The following DGKB variants were observed in gnomAD, a reference collection of about 807,000 sequenced individuals.
The protein encoded by DGKB is diacylglycerol kinase beta.
DGKB carries 67 observed loss-of-function variants against 114.3 expected under a neutral mutation model. The observed-to-expected ratio is 0.59, with a 90% CI of 0.48 to 0.72. The LOEUF (loss-of-function observed/expected upper bound fraction) is 0.72. Among genes scored for constraint, DGKB ranks in the 30% least tolerant of loss-of-function variants. The probability of loss-of-function intolerance (pLI) is 0.00; values close to 1 mark genes in which losing one functional copy is unlikely to be tolerated. For missense variants in DGKB, 907 were observed against 975.2 expected, an observed-to-expected ratio of 0.93 and a Z score of 0.93; for synonymous variants, 398 against 323.1, an observed-to-expected ratio of 1.23 and a Z score of -2.49.
At chr7:14,398,546 G>A (rs1822593634) in intron 21 of DGKB, among the ~76,000 whole-genome samples, 1 of 152,036 alleles carries the variant, frequency 6.6e-6, no homozygotes, top group African/African-American at 2.4e-5. Context: ...TTACTGGGAT[G>A]TGTGAAGGCA....
chr7:14,576,297 A>G (rs1799109027), intron 19 of DGKB, among the ~76,000 whole-genome samples: 1 of 152,022 alleles, frequency 6.6e-6, no homozygotes, highest in African/African-American at 2.4e-5. Flanking sequence ...ATATTTACTA[A>G]CATTTCATGT....
rs865900826 is a variant in DGKB, at chr7:14,212,248, A to G, written c.2123-34097T>C. On this transcript the variant is annotated intron_variant, in intron 23 of 25. Transcript: ENST00000402815. ...TCTCATGTTTTGTGATTTTACTCTC[A>G]TGTTTTGTGATTTTACTCTCATGTT... Among the ~76,000 whole-genome samples, 49 of 7,310 alleles carry G rather than the reference A, an allele frequency of 6.7e-3. 8 individuals are homozygous for G. Among genetic ancestry groups the G allele is most frequent in the Non-Finnish European group, 7.9e-3 (39 of 4,936 alleles). 4.8% of individuals were successfully genotyped at this position (7,310 alleles called of 152,430 possible). A position where few individuals can be genotyped will look rare whatever the true frequency, so the allele number is the denominator to read the frequency against.
intron 21 of DGKB, among the ~76,000 whole-genome samples, chr7:14,418,287 G>GTA (rs1826052103): frequency 1.7e-5 from 2 of 114,308 alleles, no homozygotes; most frequent in African/African-American, 6.0e-5. Context: ...ATATATGTGT[G>GTA]TATATATACA....
At chr7:14,747,468 C>A (rs2128424397) in intron 4 of DGKB, among the ~76,000 whole-genome samples, 1 of 151,896 alleles carries the variant, frequency 6.6e-6, no homozygotes, top group South Asian at 2.1e-4. Context: ...TTAGTAAAAT[C>A]TTTTCAAATA....
intron 23 of DGKB, among the ~76,000 whole-genome samples, chr7:14,280,107 T>C (rs1359745167): frequency 6.6e-6 from 1 of 151,146 alleles, no homozygotes; most frequent in Non-Finnish European, 1.5e-5. Context: ...AGTTGAAAAC[T>C]TTGAAAAAAA....
At chr7:14,551,805 G>A (rs1024012685) in intron 20 of DGKB, among the ~76,000 whole-genome samples, 5 of 152,010 alleles carry the variant, frequency 3.3e-5, no homozygotes, top group African/African-American at 1.2e-4. Context: ...AAATGGGTTT[G>A]CTTAAATCTT....
chr7:14,508,214 C>T (rs2128969285), intron 20 of DGKB, among the ~76,000 whole-genome samples: 1 of 152,264 alleles, frequency 6.6e-6, no homozygotes, highest in South Asian at 2.1e-4. Flanking sequence ...AGACTAAATA[C>T]TGTTAGCACA....
At chr7:14,232,588 T>A (rs1562689631) in intron 23 of DGKB, among the ~76,000 whole-genome samples, 1 of 151,898 alleles carries the variant, frequency 6.6e-6, no homozygotes, top group East Asian at 1.9e-4. Flanking sequence ...TCAAAATTTG[T>A]GTGATTCCAT....
intron 21 of DGKB, among the ~76,000 whole-genome samples, chr7:14,470,959 A>G (rs1781195523): frequency 6.6e-6 from 1 of 151,406 alleles, no homozygotes; most frequent in Non-Finnish European, 1.5e-5. Flanking sequence ...GCTTTGATAT[A>G]GCATTTTTCT....
At chr7:14,519,714 G>A (rs1246149210) in intron 20 of DGKB, among the ~76,000 whole-genome samples, 2 of 151,698 alleles carry the variant, frequency 1.3e-5, no homozygotes, top group East Asian at 3.9e-4. Context: ...ACCAACACTG[G>A]GTACTGTATG....
chr7:14,145,370 C>A lies in DGKB; in HGVS notation c.*3761G>T, dbSNP rs185063353. Reference sequence around the variant, plus strand: ...TATTATTCAGTTATTTGAAAAATAACGGAGAACATGATTCAATATTATTCA... The same window carrying A: ...TATTATTCAGTTATTTGAAAAATAAAGGAGAACATGATTCAATATTATTCA... On this transcript the variant is annotated 3_prime_UTR_variant, in exon 26 of 26. Coordinates refer to ENST00000402815, the MANE Select transcript of DGKB (RefSeq NM_001350709.2). 6.6e-6 allele frequency: 1 copy of A among 151,894 alleles called. No homozygotes were observed. The highest frequency in any genetic ancestry group is 1.5e-5 in the Non-Finnish European group (1 of 67,996). The allele number at this position is 151,894 out of a possible 1,614,324, so 9.4% of individuals were successfully genotyped here.
rs112597602 is a variant in DGKB, at chr7:14,582,987, T to C, written c.1519+65A>G. ...GATAATGATACAAGCAATAGACACA[T>C]AGATGAAACAGGATTTAAAGCTATT... On this transcript the variant is annotated intron_variant, in intron 18 of 25. Coordinates refer to ENST00000402815, the MANE Select transcript of DGKB (RefSeq NM_001350709.2). 1,875 of 1,021,902 alleles carry C rather than the reference T, an allele frequency of 1.8e-3. 22 individuals carry two copies. In the African/African-American group the frequency reaches 0.024, roughly 13 times the overall value. The allele number at this position is 1,021,902 out of a possible 1,614,324, so 63.3% of individuals were successfully genotyped here.
In DGKB at chr7:14,682,808, G is replaced by T; in HGVS notation, c.863C>A (p.Ala288Asp). ...CTTGATGCAAGAGGGAGGTGCTCGA[G>T]CCACACAGCGCTCATGGACTGTGTA... ...CKYTVHERCVARAPPSCIKTY... is the reference protein window; with the variant it reads ...CKYTVHERCVDRAPPSCIKTY... Residue 288 changes from alanine (A) to aspartate (D), a missense_variant, in exon 11 of 26, where the codon GCT (alanine) becomes GAT (aspartate). This residue lies in a region of DGKB where 814 missense variants were observed against 856.6 expected (regional missense o/e 0.95). Transcript: ENST00000402815. The T allele has an allele frequency of 6.2e-7, 1 of 1,601,692 alleles. No homozygotes were observed. Among genetic ancestry groups the T allele is most frequent in the Non-Finnish European group, 8.5e-7 (1 of 1,173,676 alleles).
intron 23 of DGKB, among the ~76,000 whole-genome samples, chr7:14,238,183 C>T (rs964613892): frequency 7.2e-5 from 11 of 152,008 alleles, no homozygotes; most frequent in Middle Eastern, 3.4e-3. Context: ...TTGTAATTCC[C>T]ATGTATTGAG....
intron 23 of DGKB, among the ~76,000 whole-genome samples, chr7:14,243,678 A>G (rs886271196): frequency 6.6e-6 from 1 of 152,180 alleles, no homozygotes; most frequent in African/African-American, 2.4e-5. Context: ...CACTGCATCC[A>G]ATAAATAAAA....
At chr7:14,559,992 T>G (rs1237627805) in intron 20 of DGKB, among the ~76,000 whole-genome samples, 7 of 151,720 alleles carry the variant, frequency 4.6e-5, no homozygotes, top group Non-Finnish European at 7.4e-5. Flanking sequence ...TGCCTTCCTC[T>G]CTTTTTCTTT....
intron 2 of DGKB, among the ~76,000 whole-genome samples, chr7:14,834,127 C>T (rs943296278): frequency 8.5e-5 from 13 of 152,192 alleles, no homozygotes; most frequent in Non-Finnish European, 1.6e-4. Flanking sequence ...ACCTGTAAAC[C>T]ATCACTGAGT....
At chr7:14,847,872 C>T (rs994852141) in intron 1 of DGKB, among the ~76,000 whole-genome samples, 13 of 152,100 alleles carry the variant, frequency 8.5e-5, no homozygotes, top group African/African-American at 3.1e-4. Flanking sequence ...AAGAAAAAAA[C>T]TACAAATATT....
In DGKB at chr7:14,949,272, C is replaced by A. The variant is rs1393850102; in HGVS notation, c.-188+25424G>T. Among the ~76,000 whole-genome samples, 15 of 151,916 alleles carry A rather than the reference C, an allele frequency of 9.9e-5. No homozygotes were observed. In the Admixed American group the frequency reaches 9.9e-4, roughly 10 times the overall value. ...CACTCATCGCCTAAGCAAGTGTCAG[C>A]ATCACATGTTGGAGATGACTTATAG... On this transcript the variant is annotated intron_variant, in intron 1 of 4. Coordinates refer to the DGKB transcript ENST00000437998.
Sources: gnomAD v4.1 joint callset for allele counts (sites outside exome capture counted in the v4.1 genomes callset) on GRCh38, gnomAD v4.1.1 for gene constraint, gnomAD v4.1.1 regional missense constraint, MANE v1.5 for transcripts, NCBI Gene and HGNC (gene_info 2026-07-23, HGNC 2026-07-21) for gene names.